Variants in CNOT10 observed in about 807,000 individuals in gnomAD.
CNOT10 encodes CCR4-NOT transcription complex subunit 10, also known as CCR4-NOT transcription complex, subunit 10.
CNOT10 carries 30 observed loss-of-function variants against 94.6 expected under a neutral mutation model. That is an observed-to-expected ratio of 0.32 (90% CI 0.24 to 0.43). The LOEUF (loss-of-function observed/expected upper bound fraction) is 0.43. Ranked by LOEUF, CNOT10 falls within the 20% of genes least tolerant of loss-of-function variation. The probability of loss-of-function intolerance (pLI) is 1.00; values close to 1 mark genes in which losing one functional copy is unlikely to be tolerated. For synonymous variants in CNOT10, 289 were observed against 301.6 expected (o/e 0.96, Z 0.43); for missense variants, 759 against 877.2 (o/e 0.87, Z 1.70).
At chr3:32,709,286 G>A (rs1034451894) in intron 4 of CNOT10, among the ~76,000 whole-genome samples, 7 of 152,142 alleles carry the variant, frequency 4.6e-5, no homozygotes, top group Non-Finnish European at 1.0e-4. Context: ...TCAAGTAGGA[G>A]TAGCAAGAAA....
intron 17 of CNOT10, chr3:32,769,607 G>C (rs1290905084): frequency 5.6e-6 from 2 of 358,590 alleles, no homozygotes; most frequent in South Asian, 4.2e-5. Flanking sequence ...AACTGTATGT[G>C]TCTGTTGTGA....
intron 1 of CNOT10, among the ~76,000 whole-genome samples, chr3:32,690,879 A>G (rs180946410): frequency 2.6e-5 from 4 of 152,156 alleles, no homozygotes; most frequent in Admixed American, 2.6e-4. Flanking sequence ...TTTATTATGA[A>G]TGATTTCAAA....
chr3:32,749,777 G>A (rs534692309), intron 13 of CNOT10, among the ~76,000 whole-genome samples: 31 of 151,824 alleles, frequency 2.0e-4, no homozygotes, highest in African/African-American at 5.8e-4. Flanking sequence ...TGCATACTAC[G>A]ATCTTGTTAA....
At chr3:32,750,637 C>T (rs1013942274) in intron 13 of CNOT10, among the ~76,000 whole-genome samples, 13 of 152,026 alleles carry the variant, frequency 8.6e-5, no homozygotes, top group East Asian at 7.8e-4. Context: ...CTCCAACCTC[C>T]GCCTCCTGGG....
chr3:32,692,490 A>G (rs1428703382), intron 1 of CNOT10, among the ~76,000 whole-genome samples: 4 of 152,208 alleles, frequency 2.6e-5, no homozygotes, highest in Admixed American at 2.6e-4. Flanking sequence ...AGGTGATGTT[A>G]TATACTTTAT....
At chr3:32,687,439 G>GTTTTTTTTTTTTTTT (rs201119069) in intron 1 of CNOT10, among the ~76,000 whole-genome samples, 8 of 51,316 alleles carry the variant, frequency 1.6e-4, no homozygotes, top group Admixed American at 3.5e-4. Context: ...AGTCCTCACG[G>GTTTTTTTTTTTTTTT]TTTTTTTTTT....
At chr3:32,702,130 C>G (rs1697381299) in intron 1 of CNOT10, among the ~76,000 whole-genome samples, 1 of 146,726 alleles carries the variant, frequency 6.8e-6, no homozygotes, top group Non-Finnish European at 1.5e-5. Context: ...CAGTCTCACT[C>G]TGTCGCCCAG....
At chr3:32,771,872 A>G (rs1700922210) in intron 18 of CNOT10, among the ~76,000 whole-genome samples, 1 of 152,230 alleles carries the variant, frequency 6.6e-6, no homozygotes, top group Admixed American at 6.5e-5. Flanking sequence ...AGTATTTTGA[A>G]CACATATTAA....
Position 32,695,966 on chromosome 3 carries a change from AGAGTGTGTGTGTGTGTGT to A in CNOT10, c.23-7900_23-7883del, listed in dbSNP as rs1285411115. The stretch of plus-strand genomic sequence containing the variant: ...GAAAATAAAAATAATCCTGTTGAAG[AGAGTGTGTGTGTGTGTGT>A]GTGTGTGTGTGTGTGTGTGTGTGTG... On this transcript the variant is annotated intron_variant, in intron 1 of 18. Coordinates refer to ENST00000328834, the MANE Select transcript of CNOT10 (RefSeq NM_015442.3). 1.5e-3 allele frequency: 895 copies of A among 616,250 alleles called. 3 individuals carry two copies. Among genetic ancestry groups the A allele is most frequent in the Middle Eastern group, 8.3e-3 (18 of 2,178 alleles). 38.2% of individuals were successfully genotyped at this position (616,250 alleles called of 1,614,324 possible).
At chr3:32,746,874 A>G (rs1224599811) in intron 13 of CNOT10, among the ~76,000 whole-genome samples, 1 of 148,444 alleles carries the variant, frequency 6.7e-6, no homozygotes, top group African/African-American at 2.5e-5. Flanking sequence ...CACTCCTATG[A>G]GAATCTAATG....
intron 13 of CNOT10, among the ~76,000 whole-genome samples, chr3:32,744,421 A>G (rs1409078546): frequency 6.6e-6 from 1 of 152,184 alleles, no homozygotes; most frequent in Admixed American, 6.6e-5. Flanking sequence ...TCCAATGGCC[A>G]CTTTTTATGA....
chr3:32,706,381 T>G (rs1403142651), intron 3 of CNOT10, among the ~76,000 whole-genome samples: 1 of 152,228 alleles, frequency 6.6e-6, no homozygotes, highest in African/African-American at 2.4e-5. Flanking sequence ...CAAAAAAACT[T>G]TGTGAAGTTC....
At chr3:32,772,702 A>G (rs1408049211) in intron 18 of CNOT10, among the ~76,000 whole-genome samples, 2 of 152,072 alleles carry the variant, frequency 1.3e-5, no homozygotes, top group Admixed American at 1.3e-4. Flanking sequence ...GTCTCAAAAA[A>G]AACCCAATGT....
At chr3:32,692,493 TA>T (rs1418017694) in intron 1 of CNOT10, among the ~76,000 whole-genome samples, 5 of 152,228 alleles carry the variant, frequency 3.3e-5, no homozygotes, top group African/African-American at 1.2e-4. Flanking sequence ...TGATGTTATA[TA>T]CTTTATTTTC....
chr3:32,773,846 A>G lies in CNOT10; in HGVS notation c.*235A>G, dbSNP rs1575324613. The stretch of plus-strand genomic sequence containing the variant: ...TTTGAGCCATTATGTAATATATGCC[A>G]TAGGCAATTAAAACATAATTTTATC... On this transcript the variant is annotated 3_prime_UTR_variant, in exon 19 of 19. Transcript: ENST00000328834. 2.4e-6 allele frequency: 1 copy of G among 412,000 alleles called. No homozygotes were observed. Among genetic ancestry groups the G allele is most frequent in the Non-Finnish European group, 4.3e-6 (1 of 234,440 alleles). 25.5% of individuals were successfully genotyped at this position (412,000 alleles called of 1,614,324 possible).
intron 4 of CNOT10, among the ~76,000 whole-genome samples, chr3:32,711,680 T>G (rs968622254): frequency 2.0e-5 from 3 of 152,234 alleles, no homozygotes. Flanking sequence ...TGCTACTGTT[T>G]AGAGGGAAAG....
At chr3:32,753,694 G>T in intron 13 of CNOT10, 1 of 1,587,382 alleles carries the variant, frequency 6.3e-7, no homozygotes, top group East Asian at 2.2e-5. Flanking sequence ...AATCAAAGAA[G>T]AAGAAAATAA....
chr3:32,746,392 A>G (rs1008356755), intron 13 of CNOT10, among the ~76,000 whole-genome samples: 11 of 152,322 alleles, frequency 7.2e-5, no homozygotes, highest in Non-Finnish European at 1.5e-4. Context: ...ACAACTCACC[A>G]TAATGTAGAA....
chr3:32,725,562 T>C lies in CNOT10; in HGVS notation c.975T>C (p.Asn325=). 1.2e-6 allele frequency: 2 copies of C among 1,614,194 alleles called. No individual in the cohort carries two copies. The highest frequency in any genetic ancestry group is 2.2e-5 in the East Asian group (1 of 44,878). The part of the protein sequence containing the change: ...YFKKALQEND[N]VCAQLSAGST... ...AAAAGGCTCTGCAAGAGAATGACAA[T>C]GTCTGTGCACAGCTCAGTGCAGGTA... The change falls in exon 9 of 19, where the codon AAT becomes AAC. Residue 325 remains asparagine (N), a synonymous_variant. Transcript: ENST00000328834.
Sources: allele counts gnomAD v4.1 joint callset (sites outside exome capture counted in the v4.1 genomes callset), GRCh38; gene constraint gnomAD v4.1.1; transcripts MANE v1.5; gene names NCBI Gene and HGNC (gene_info 2026-07-23, HGNC 2026-07-21).